Variants in ENPP2 observed in about 807,000 individuals in gnomAD.
The protein encoded by ENPP2 is ectonucleotide pyrophosphatase/phosphodiesterase 2, also known as autotaxin.
ENPP2 carries 51 observed loss-of-function variants against 120.2 expected under a neutral mutation model. The observed-to-expected ratio is 0.42, with a 90% CI of 0.34 to 0.54. ENPP2 has a LOEUF of 0.54. ENPP2 is among the 20% of genes least tolerant of loss of function. The pLI is 0.04. For missense variants in ENPP2, 920 were observed against 1,066.5 expected, an observed-to-expected ratio of 0.86 and a Z score of 1.91; for synonymous variants, 365 against 366.4, an observed-to-expected ratio of 1.00 and a Z score of 0.04.
chr8:119,614,748 C>A (rs16892872), intron 8 of ENPP2, among the ~76,000 whole-genome samples: 4,349 of 152,190 alleles, frequency 0.029, 189 homozygotes, highest in African/African-American at 0.098. Flanking sequence ...ATAAAAGACC[C>A]ACTAGTGAAA....
At chr8:119,640,930 A>G (rs1817268288), upstream of ENPP2, among the ~76,000 whole-genome samples, 1 of 152,116 alleles carries the variant, frequency 6.6e-6, no homozygotes, top group East Asian at 1.9e-4. Context: ...TATTTTTAAT[A>G]CAGACAGGGT....
At chr8:119,583,121 T>C (rs1812863071) in intron 17 of ENPP2, among the ~76,000 whole-genome samples, 1 of 152,126 alleles carries the variant, frequency 6.6e-6, no homozygotes, top group Non-Finnish European at 1.5e-5. Flanking sequence ...TCATAGCAAG[T>C]GAATGGTTGC....
intron 1 of ENPP2, among the ~76,000 whole-genome samples, chr8:119,665,790 T>C (rs1021040046): frequency 1.1e-4 from 17 of 152,334 alleles, no homozygotes; most frequent in African/African-American, 3.8e-4. Flanking sequence ...TTTTAACTCA[T>C]GCTTTCTTAG....
At chr8:119,575,073 TG>T (rs1233538172) in intron 19 of ENPP2, among the ~76,000 whole-genome samples, 1 of 152,238 alleles carries the variant, frequency 6.6e-6, no homozygotes, top group African/African-American at 2.4e-5. Flanking sequence ...AAACACTTGT[TG>T]GTAAGTTAAT....
At chr8:119,625,833 G>A (rs1816232558) in intron 3 of ENPP2, among the ~76,000 whole-genome samples, 1 of 152,276 alleles carries the variant, frequency 6.6e-6, no homozygotes, top group South Asian at 2.1e-4. Context: ...ACAGAAGCCT[G>A]TACATCCTAG....
chr8:119,668,668 C>T (rs1279895620), intron 1 of ENPP2, among the ~76,000 whole-genome samples: 1 of 152,016 alleles, frequency 6.6e-6, no homozygotes, highest in Admixed American at 6.6e-5. Flanking sequence ...ACCTTGTGAT[C>T]CACCCGCCTC....
At chr8:119,569,521 TA>T (rs1174504796) in intron 20 of ENPP2, 151 bp from the exon 21 acceptor site, 2 of 667,228 alleles carry the variant, frequency 3.0e-6, no homozygotes, top group African/African-American at 3.7e-5. Context: ...GACTTCTTTT[TA>T]AAAGTCCTTA....
intron 8 of ENPP2, among the ~76,000 whole-genome samples, chr8:119,612,717 T>C (rs1294989242): frequency 1.3e-5 from 2 of 152,106 alleles, no homozygotes; most frequent in African/African-American, 4.8e-5. Context: ...AGGCGAAATG[T>C]TGTCTCTACA....
At chr8:119,668,382 C>T (rs1818136732) in intron 1 of ENPP2, among the ~76,000 whole-genome samples, 1 of 150,996 alleles carries the variant, frequency 6.6e-6, no homozygotes, top group South Asian at 2.1e-4. Context: ...ACTATCATGT[C>T]TCATGTTCTA....
At chr8:119,579,223 G>C (rs1454026827) in intron 19 of ENPP2, among the ~76,000 whole-genome samples, 1 of 152,110 alleles carries the variant, frequency 6.6e-6, no homozygotes, top group Non-Finnish European at 1.5e-5. Context: ...TTGTGTTATT[G>C]CTCCTCATTA....
intron 8 of ENPP2, among the ~76,000 whole-genome samples, chr8:119,615,226 C>A (rs753324041): frequency 6.6e-6 from 1 of 152,080 alleles, no homozygotes; most frequent in African/African-American, 2.4e-5. Flanking sequence ...ACAAAGTTCT[C>A]CCAGCCCTCT....
At chr8:119,637,586 T>C (rs944902381) in intron 2 of ENPP2, among the ~76,000 whole-genome samples, 2 of 152,158 alleles carry the variant, frequency 1.3e-5, no homozygotes, top group Non-Finnish European at 2.9e-5. Context: ...CAGACAAACA[T>C]GCTGGAATGT....
At chr8:119,570,952 T>A in intron 19 of ENPP2, 111 bp from the exon 20 acceptor site, 2 of 589,034 alleles carry the variant, frequency 3.4e-6, no homozygotes, top group African/African-American at 1.9e-5. Context: ...TACTTATTAT[T>A]AATATAGCAC....
At position 119,580,184 on chromosome 8, in the gene ENPP2, C is replaced by A. The variant is rs1382241672; in HGVS notation, c.1729-17G>T. ...CAACTTGTTCTTCATGTGTGAAAAC[C>A]AGTAAAGGAAAAAAGAAAGCAAATC... is the stretch of plus-strand genomic sequence containing the variant. On this transcript the variant is annotated splice_polypyrimidine_tract_variant and intron_variant, in intron 18 of 24. Transcript: ENST00000075322. 1.2e-6 allele frequency: 2 copies of A among 1,605,794 alleles called. No homozygotes were observed. Among genetic ancestry groups the A allele is most frequent in the Admixed American group, 3.3e-5 (2 of 59,972 alleles).
intron 24 of ENPP2, among the ~76,000 whole-genome samples, chr8:119,560,766 G>A (rs1483956288): frequency 6.6e-6 from 1 of 152,096 alleles, no homozygotes; most frequent in African/African-American, 2.4e-5. Flanking sequence ...ATGGGCTCTT[G>A]GAGTCAGAGG....
intron 11 of ENPP2, 122 bp from the exon 12 acceptor site, chr8:119,593,982 G>GT (rs1813718619): frequency 1.5e-6 from 1 of 688,418 alleles, no homozygotes; most frequent in East Asian, 2.5e-5. Flanking sequence ...GCAGAGCTTT[G>GT]TCTGGGGAGA....
chr8:119,587,590 A>T (rs559720557), intron 13 of ENPP2, among the ~76,000 whole-genome samples: 3 of 152,148 alleles, frequency 2.0e-5, no homozygotes, highest in Non-Finnish European at 4.4e-5. Flanking sequence ...GTGTAATTAC[A>T]CAGGTAGCCG....
At position 119,671,779 on chromosome 8, in the gene ENPP2, T is replaced by C. The variant is rs545937907; in HGVS notation, c.21+1473A>G. ...TATGTAGTGGTTAAAGCCGCTGGAG[T>C]GAATGAGATTATCCAGAGAGACTGC... On this transcript the variant is annotated intron_variant, in intron 1 of 25. Coordinates refer to the ENPP2 transcript ENST00000427067. Among the ~76,000 whole-genome samples the C allele has an allele frequency of 2.0e-4, 30 of 151,938 alleles. No homozygotes were observed. In the South Asian group the frequency reaches 6.2e-3, roughly 32 times the overall value.
chr8:119,595,333 G>A (rs1397016751), intron 11 of ENPP2, among the ~76,000 whole-genome samples: 1 of 152,134 alleles, frequency 6.6e-6, no homozygotes. Flanking sequence ...ATTACTTGTG[G>A]AAATTACATA....
Sources: allele counts gnomAD v4.1 joint callset (sites outside exome capture counted in the v4.1 genomes callset), GRCh38; gene constraint gnomAD v4.1.1; transcripts MANE v1.5; gene names NCBI Gene and HGNC (gene_info 2026-07-23, HGNC 2026-07-21).